The following PPIP5K2 variants were observed in gnomAD, a reference collection of about 807,000 sequenced individuals.
The protein encoded by PPIP5K2 is inositol hexakisphosphate and diphosphoinositol-pentakisphosphate kinase 2.
In PPIP5K2, 105 loss-of-function variants were observed where a neutral mutation model predicts 154.6. That is an observed-to-expected ratio of 0.68 (90% confidence interval 0.58 to 0.80). The LOEUF (loss-of-function observed/expected upper bound fraction) is 0.80, where lower values mean the gene tolerates loss of function less well. PPIP5K2 is among the 30% of genes least tolerant of loss of function. The probability of loss-of-function intolerance (pLI) is 0.00; values close to 1 mark genes in which losing one functional copy is unlikely to be tolerated. For synonymous variants in PPIP5K2, 480 were observed against 490.3 expected (o/e 0.98, Z 0.28); for missense variants, 992 against 1,504.6 (o/e 0.66, Z 5.64).
chr5:103,185,843 A>T (rs781892122), intron 26 of PPIP5K2, among the ~76,000 whole-genome samples: 6 of 152,026 alleles, frequency 3.9e-5, no homozygotes, highest in Non-Finnish European at 8.8e-5. Context: ...GTAATTCTCA[A>T]TTCAGGGGCA....
rs1169816266 is a variant in PPIP5K2 at position 103,133,326 on chromosome 5, G to T, written c.115-127G>T. The T allele has an allele frequency of 1.9e-5, 11 of 591,846 alleles. No homozygotes were observed. In the Admixed American group the frequency reaches 2.5e-4, roughly 13 times the overall value. The allele number at this position is 591,846 out of a possible 1,614,324, so 36.7% of individuals were successfully genotyped here. ...TGATATAATTTTTAAAAATTCCTTT[G>T]TTTGTTAATGTGTCACTTTTATTTA... On this transcript the variant is annotated intron_variant, in intron 2 of 30. Transcript: ENST00000358359.
At position 103,136,652 on chromosome 5, in the gene PPIP5K2, G is replaced by T. The variant is rs185881317; in HGVS notation, c.311-80G>T. 817 of 1,018,074 alleles carry T rather than the reference G, an allele frequency of 8.0e-4. 6 individuals are homozygous for T. The African/African-American group carries it at 0.012, about 14-fold the overall frequency. The allele number at this position is 1,018,074 out of a possible 1,614,324, so 63.1% of individuals were successfully genotyped here. ...TTAATGAAATGAATCTTTTATGGGA[G>T]GTGGCATCAATTCAAGTTAATAAAG... On this transcript the variant is annotated intron_variant, in intron 3 of 30. Coordinates refer to ENST00000358359, the MANE Select transcript of PPIP5K2 (RefSeq NM_001276277.3).
chr5:103,156,414 C>T (rs113317886), intron 14 of PPIP5K2, among the ~76,000 whole-genome samples: 1 of 152,108 alleles, frequency 6.6e-6, no homozygotes, highest in African/African-American at 2.4e-5. Context: ...GTATTTTCTT[C>T]CACCCAGTAA....
chr5:103,189,453 G>A (rs1231878124), intron 28 of PPIP5K2, among the ~76,000 whole-genome samples: 1 of 151,176 alleles, frequency 6.6e-6, no homozygotes, highest in Non-Finnish European at 1.5e-5. Flanking sequence ...AAGAAGAAAA[G>A]ATCTCATCGT....
At chr5:103,169,770 A>G (rs1797688644) in intron 19 of PPIP5K2, among the ~76,000 whole-genome samples, 1 of 151,762 alleles carries the variant, frequency 6.6e-6, no homozygotes, top group Non-Finnish European at 1.5e-5. Flanking sequence ...TAGCAAATGA[A>G]AAAGGTTAAG....
At position 103,165,829 on chromosome 5, in the gene PPIP5K2, A is replaced by G. The variant is rs568984189; in HGVS notation, c.1921-1350A>G. Among the ~76,000 whole-genome samples the G allele has an allele frequency of 2.2e-4, 33 of 152,238 alleles. No individual in the cohort carries two copies. The South Asian group carries it at 5.8e-3, about 27-fold the overall frequency. ...TTCATGCCCTAATTGAAGAAGACCA[A>G]TAATTAACAGCAGAAACAATAGCCA... On this transcript the variant is annotated intron_variant, in intron 17 of 30. Coordinates refer to ENST00000358359, the MANE Select transcript of PPIP5K2 (RefSeq NM_001276277.3).
chr5:103,204,080 C>T lies in PPIP5K2; in HGVS notation c.*2446C>T, dbSNP rs1180203108. On this transcript the variant is annotated 3_prime_UTR_variant, in exon 31 of 31. Transcript: ENST00000358359. ...AAATATCCAATTAAAACTCACTAGC[C>T]AAGGAAAAAGTTTCTGTTTTCACCC... The T allele has an allele frequency of 1.3e-5, 2 of 152,070 alleles. No individual in the cohort carries two copies. Among genetic ancestry groups the T allele is most frequent in the African/African-American group, 4.8e-5 (2 of 41,418 alleles). 9.4% of individuals were successfully genotyped at this position (152,070 alleles called of 1,614,324 possible). A position where few individuals can be genotyped will look rare whatever the true frequency, so the allele number is the denominator to read the frequency against.
chr5:103,167,457 C>A, intron 18 of PPIP5K2, 137 bp downstream of exon 18: 1 of 602,830 alleles, frequency 1.7e-6, no homozygotes, highest in Non-Finnish European at 2.6e-6. Context: ...TAATGTATAT[C>A]AAGCAAAAAA....
rs547915823 is a variant in PPIP5K2 at position 103,191,588 on chromosome 5, C to T, written c.3493+606C>T. Among the ~76,000 whole-genome samples the T allele has an allele frequency of 1.8e-4, 28 of 152,210 alleles. No individual in the cohort carries two copies. In the South Asian group the frequency reaches 5.8e-3, roughly 32 times the overall value. Reference sequence around the variant, plus strand: ...GCTACATTAGCATATAAAAGGCTGACGTTCTTCTGTAAAGAAAGCTGTATA... The same window carrying T: ...GCTACATTAGCATATAAAAGGCTGATGTTCTTCTGTAAAGAAAGCTGTATA... On this transcript the variant is annotated intron_variant, in intron 29 of 30. Transcript: ENST00000358359.
intron 30 of PPIP5K2, among the ~76,000 whole-genome samples, chr5:103,200,797 A>G (rs1156244070): frequency 6.6e-6 from 1 of 151,894 alleles, no homozygotes; most frequent in East Asian, 1.9e-4. Flanking sequence ...CACCACACCC[A>G]GCTAATTTTT....
chr5:103,129,279 A>G (rs1790231606), intron 1 of PPIP5K2, 27 bp from the exon 2 acceptor site: 1 of 167,812 alleles, frequency 6.0e-6, no homozygotes, highest in African/African-American at 2.4e-5. Flanking sequence ...TGCACTCTCC[A>G]AAATTAGTTT....
At chr5:103,168,618 G>A (rs143495252) in intron 19 of PPIP5K2, among the ~76,000 whole-genome samples, 30 of 151,468 alleles carry the variant, frequency 2.0e-4, no homozygotes, top group African/African-American at 4.6e-4. Flanking sequence ...GTCCTCCCCC[G>A]CATTATGATT....
At chr5:103,171,047 T>C (rs116067205) in intron 19 of PPIP5K2, among the ~76,000 whole-genome samples, 220 of 151,640 alleles carry the variant, frequency 1.5e-3, no homozygotes, top group African/African-American at 4.8e-3. Context: ...TACTCTTACA[T>C]TGATTGATTA....
At chr5:103,140,288 C>T (rs1029592559) in intron 5 of PPIP5K2, among the ~76,000 whole-genome samples, 32 of 151,798 alleles carry the variant, frequency 2.1e-4, no homozygotes, top group African/African-American at 7.3e-4. Flanking sequence ...AAGAAAGATA[C>T]GAATATGCAT....
rs1554210437 is a variant in PPIP5K2, at chr5:103,149,245, G to GT, written c.839dup (p.Arg281LysfsTer22). The stretch of plus-strand genomic sequence containing the variant: ...GGAACGAGACAGTGAAGGAAAAGAA[G>GT]TAAGATACCCTGTTATTCTCAATGC... On this transcript the variant is annotated frameshift_variant, in exon 8 of 31. Transcript: ENST00000358359. LOFTEE classifies it high-confidence loss of function. 6.2e-7 allele frequency: 1 copy of GT among 1,613,986 alleles called. No homozygotes were observed. Among genetic ancestry groups the GT allele is most frequent in the South Asian group, 1.1e-5 (1 of 91,072 alleles).
At chr5:103,149,338 A>T in intron 8 of PPIP5K2, 25 bp downstream of exon 8, 3 of 1,571,164 alleles carry the variant, frequency 1.9e-6, no homozygotes, top group Non-Finnish European at 2.6e-6. Context: ...AGGCCTATAG[A>T]TCCTTATAAA....
intron 5 of PPIP5K2, among the ~76,000 whole-genome samples, chr5:103,142,843 GATAA>G (rs1408091446): frequency 6.6e-6 from 1 of 151,352 alleles, no homozygotes; most frequent in Admixed American, 6.6e-5. Context: ...CAAGTACACA[GATAA>G]ATACATAATA....
chr5:103,183,176 C>CCT (rs1799808735), intron 24 of PPIP5K2, 58 bp from the exon 25 acceptor site: 2 of 539,172 alleles, frequency 3.7e-6, no homozygotes, highest in African/African-American at 1.3e-4. Flanking sequence ...GCATGCTCTG[C>CCT]TTTTTTTTTT....
intron 2 of PPIP5K2, among the ~76,000 whole-genome samples, chr5:103,131,712 T>G (rs1204457886): frequency 2.6e-5 from 4 of 152,196 alleles, no homozygotes; most frequent in African/African-American, 9.6e-5. Context: ...TTAAGATTTC[T>G]CTCCTGTTTT....
Sources: gnomAD v4.1 joint callset for allele counts (sites outside exome capture counted in the v4.1 genomes callset) on GRCh38, gnomAD v4.1.1 for gene constraint, MANE v1.5 for transcripts, NCBI Gene and HGNC (gene_info 2026-07-23, HGNC 2026-07-21) for gene names.